The following TENT4B variants were observed in gnomAD, a reference collection of about 807,000 sequenced individuals.
TENT4B encodes the protein terminal nucleotidyltransferase 4B, also known as PAP associated domain containing 5.
A neutral mutation model predicts 75.0 loss-of-function variants in TENT4B; 10 were observed. That is an observed-to-expected ratio of 0.13 (90% CI 0.08 to 0.23). The LOEUF (loss-of-function observed/expected upper bound fraction) is 0.23. Ranked by LOEUF, TENT4B falls within the 10% of genes least tolerant of loss-of-function variation. The pLI, the probability that TENT4B is intolerant of heterozygous loss-of-function variation, is 1.00. For missense variants in TENT4B, 579 were observed against 893.8 expected, an observed-to-expected ratio of 0.65 and a Z score of 4.49; for synonymous variants, 350 against 357.7, an observed-to-expected ratio of 0.98 and a Z score of 0.24.
chr16:50,201,572 G>T (rs1264699107), intron 1 of TENT4B, among the ~76,000 whole-genome samples: 1 of 151,894 alleles, frequency 6.6e-6, no homozygotes, highest in Non-Finnish European at 1.5e-5. Context: ...GCTGGCTGAG[G>T]TGGCTCACAC....
At chr16:50,186,035 T>C (rs561238951) in intron 1 of TENT4B, among the ~76,000 whole-genome samples, 2 of 152,330 alleles carry the variant, frequency 1.3e-5, no homozygotes, top group East Asian at 3.9e-4. Context: ...AACGTTTTTC[T>C]TATTGTGGTA....
At chr16:50,194,439 T>G (rs1413913839) in intron 1 of TENT4B, among the ~76,000 whole-genome samples, 1 of 152,200 alleles carries the variant, frequency 6.6e-6, no homozygotes, top group Non-Finnish European at 1.5e-5. Flanking sequence ...GGTCTTGAAC[T>G]TCTGACCTCA....
rs1284927049 is a variant in TENT4B at position 50,153,455 on chromosome 16, C to A, written c.-167C>A. 1 of 942,008 alleles carries A rather than the reference C, an allele frequency of 1.1e-6. No homozygotes were observed. The highest frequency in any genetic ancestry group is 1.3e-6 in the Non-Finnish European group (1 of 793,358). The allele number at this position is 942,008 out of a possible 1,614,324, so 58.4% of individuals were successfully genotyped here. A position where few individuals can be genotyped will look rare whatever the true frequency, so the allele number is the denominator to read the frequency against. On this transcript the variant is annotated 5_prime_UTR_variant, in exon 1 of 12. Transcript: ENST00000561678. ...CGACGCCGCCGGCGCCGGCCGGGCT[C>A]CCTGCGCGACCGCGCCGCCCGCGGC...
chr16:50,168,676 C>T (rs761672398), intron 1 of TENT4B, among the ~76,000 whole-genome samples: 12 of 150,310 alleles, frequency 8.0e-5, no homozygotes, highest in Non-Finnish European at 1.2e-4. Context: ...GACAGAGTCT[C>T]GCTCTGTCAC....
Position 50,230,891 on chromosome 16 carries a change from AG to A in TENT4B, c.*1564del. The A allele has an allele frequency of 2.0e-6, 2 of 985,486 alleles. No homozygotes were observed. The highest frequency in any genetic ancestry group is 2.4e-6 in the Non-Finnish European group (2 of 829,576). 61.0% of individuals were successfully genotyped at this position (985,486 alleles called of 1,614,324 possible). Reference sequence around the variant, plus strand: ...CAATGTGTATGGCTCTGTTAAATGCAGCCATTTCTGAGACGAGATTCTTTTA... The same window carrying A: ...CAATGTGTATGGCTCTGTTAAATGCACCATTTCTGAGACGAGATTCTTTTA... On this transcript the variant is annotated 3_prime_UTR_variant, in exon 12 of 12. Coordinates refer to ENST00000561678, the MANE Select transcript of TENT4B (RefSeq NM_001365324.3).
chr16:50,209,989 A>G (rs1335680226), intron 1 of TENT4B, among the ~76,000 whole-genome samples: 3 of 152,026 alleles, frequency 2.0e-5, no homozygotes, highest in African/African-American at 7.2e-5. Flanking sequence ...AGTTGCAGAC[A>G]TGCTCCTCCT....
chr16:50,216,239 C>G, intron 4 of TENT4B, 44 bp downstream of exon 4: 1 of 1,605,262 alleles, frequency 6.2e-7, no homozygotes, highest in Non-Finnish European at 8.5e-7. Context: ...AGTTATTTAC[C>G]TATGAAACTT....
intron 1 of TENT4B, among the ~76,000 whole-genome samples, chr16:50,181,811 G>A (rs925728040): frequency 6.6e-6 from 1 of 152,152 alleles, no homozygotes; most frequent in Non-Finnish European, 1.5e-5. Flanking sequence ...CCAAACTGCT[G>A]CAGAGGTGAT....
chr16:50,188,879 A>T (rs371314783), intron 1 of TENT4B, among the ~76,000 whole-genome samples: 111 of 152,302 alleles, frequency 7.3e-4, no homozygotes, highest in African/African-American at 2.5e-3. Flanking sequence ...GTTTTTAAAA[A>T]ACAAAACAAG....
chr16:50,156,023 T>C (rs150445160), intron 1 of TENT4B, among the ~76,000 whole-genome samples: 3 of 152,290 alleles, frequency 2.0e-5, no homozygotes, highest in East Asian at 3.9e-4. Context: ...AAAAGGTTCA[T>C]ATTTATACTT....
chr16:50,183,794 C>T (rs1325841139), intron 1 of TENT4B, among the ~76,000 whole-genome samples: 1 of 152,118 alleles, frequency 6.6e-6, no homozygotes, highest in Non-Finnish European at 1.5e-5. Flanking sequence ...CCTGTAATCC[C>T]AGCACTTTGG....
rs2032391298 is a variant in TENT4B, at chr16:50,234,601, T to C, written c.*5273T>C. The C allele has an allele frequency of 1.0e-5, 10 of 984,376 alleles. No individual in the cohort carries two copies. Among genetic ancestry groups the C allele is most frequent in the Non-Finnish European group, 1.2e-5 (10 of 828,940 alleles). 61.0% of individuals were successfully genotyped at this position (984,376 alleles called of 1,614,324 possible). A position where few individuals can be genotyped will look rare whatever the true frequency, so the allele number is the denominator to read the frequency against. ...TTAATCTCCTAATTTTAAGATCCTCTCTGATTTTTGCATATTGAAACTTAC... is the reference window on the plus strand; with the variant it reads ...TTAATCTCCTAATTTTAAGATCCTCCCTGATTTTTGCATATTGAAACTTAC... On this transcript the variant is annotated 3_prime_UTR_variant, in exon 12 of 12. Coordinates refer to ENST00000561678, the MANE Select transcript of TENT4B (RefSeq NM_001365324.3).
intron 1 of TENT4B, among the ~76,000 whole-genome samples, chr16:50,162,550 A>G (rs1393929657): frequency 6.6e-6 from 1 of 152,210 alleles, no homozygotes; most frequent in East Asian, 1.9e-4. Context: ...ATCAATAAAA[A>G]TAGCCTCATC....
At position 50,234,908 on chromosome 16, in the gene TENT4B, A is replaced by C; in HGVS notation, c.*5580A>C. On this transcript the variant is annotated 3_prime_UTR_variant, in exon 12 of 12. Transcript: ENST00000561678. ...TTTGTTTTTAGTAACCTTTTTATGT[A>C]TTTCCTTCTTTGATTAGCATTGTCT... The C allele has an allele frequency of 1.0e-6, 1 of 985,706 alleles. No homozygotes were observed. The highest frequency in any genetic ancestry group is 1.2e-6 in the Non-Finnish European group (1 of 829,814). The allele number at this position is 985,706 out of a possible 1,614,324, so 61.1% of individuals were successfully genotyped here.
intron 1 of TENT4B, among the ~76,000 whole-genome samples, chr16:50,204,322 G>T (rs945878543): frequency 6.6e-6 from 1 of 152,130 alleles, no homozygotes; most frequent in Non-Finnish European, 1.5e-5. Context: ...TTGTTTTTTG[G>T]TTTTGGGAAC....
chr16:50,211,868 C>T (rs1050163316), intron 2 of TENT4B, among the ~76,000 whole-genome samples: 1 of 152,064 alleles, frequency 6.6e-6, no homozygotes, highest in Non-Finnish European at 1.5e-5. Context: ...CAAGTAAGAA[C>T]TTTTGTCACT....
At chr16:50,165,876 T>C (rs1237744710) in intron 1 of TENT4B, among the ~76,000 whole-genome samples, 1 of 152,232 alleles carries the variant, frequency 6.6e-6, no homozygotes, top group Non-Finnish European at 1.5e-5. Flanking sequence ...ATATTACTGC[T>C]GTAGACGTTC....
At chr16:50,224,542 A>T in intron 7 of TENT4B, 115 bp from the exon 8 acceptor site, 1 of 1,332,636 alleles carries the variant, frequency 7.5e-7, no homozygotes, top group Non-Finnish European at 1.0e-6. Flanking sequence ...CTCAGCTTCC[A>T]GGCACAACTC....
At chr16:50,203,435 C>T (rs2030769371) in intron 1 of TENT4B, among the ~76,000 whole-genome samples, 1 of 152,250 alleles carries the variant, frequency 6.6e-6, no homozygotes, top group Non-Finnish European at 1.5e-5. Context: ...AAGGTAGGCA[C>T]GTTGTGTAAA....
Sources: allele counts gnomAD v4.1 joint callset (sites outside exome capture counted in the v4.1 genomes callset), GRCh38; gene constraint gnomAD v4.1.1; transcripts MANE v1.5; gene names NCBI Gene and HGNC (gene_info 2026-07-23, HGNC 2026-07-21).